ASAP1: variants seen among roughly 807,000 people sequenced by gnomAD.
ASAP1 encodes ArfGAP with SH3 domain, ankyrin repeat and PH domain 1, also known as arf-GAP with SH3 domain, ANK repeat and PH domain-containing protein 1.
Under a neutral mutation model 145.2 loss-of-function variants are expected in ASAP1, and 43 were observed. The ratio of observed to expected loss-of-function variants is 0.30; its 90% CI spans 0.23 to 0.38. The LOEUF (loss-of-function observed/expected upper bound fraction) is 0.38, where lower values mean the gene tolerates loss of function less well. Among genes scored for constraint, ASAP1 ranks in the 10% least tolerant of loss-of-function variants. The pLI, the probability that ASAP1 is intolerant of heterozygous loss-of-function variation, is 1.00. For missense variants in ASAP1, 1,018 were observed against 1,355.3 expected (o/e 0.75, Z 3.91); for synonymous variants, 546 against 515.5 (o/e 1.06, Z -0.80).
Position 130,092,038 on chromosome 8 carries a change from C to A in ASAP1, c.2507G>T (p.Arg836Ile). The part of the protein sequence containing the change: ...RPPPPPPGHK[R>I]TLSDPPSPLP... ...TGGGCTGGGAGGGTCGGATAGGGTT[C>A]TCTTGTGTCCGGGTGGTGGGGGAGG... is the stretch of plus-strand genomic sequence containing the variant. The change falls in exon 25 of 30, where the codon AGA (arginine) becomes ATA (isoleucine). Residue 836 changes from arginine (R) to isoleucine (I), a missense_variant. Physicochemically the swap from Arg to Ile is moderately conservative, Grantham distance 97. This residue lies in a region of ASAP1 where 353 missense variants were observed against 375.4 expected (regional missense o/e 0.94). Transcript: ENST00000518721. 1 of 1,576,820 alleles carries A rather than the reference C, an allele frequency of 6.3e-7. No homozygotes were observed. Among genetic ancestry groups the A allele is most frequent in the Non-Finnish European group, 8.6e-7 (1 of 1,165,750 alleles).
intron 3 of ASAP1, among the ~76,000 whole-genome samples, chr8:130,340,290 G>A (rs1003729378): frequency 2.0e-4 from 30 of 152,284 alleles, no homozygotes; most frequent in African/African-American, 7.2e-4. Context: ...GTCTCTGAGA[G>A]GAAGAAGACA....
At chr8:130,431,052 T>C (rs913846573) in intron 1 of ASAP1, among the ~76,000 whole-genome samples, 1 of 151,978 alleles carries the variant, frequency 6.6e-6, no homozygotes, top group South Asian at 2.1e-4. Context: ...GCTGAGGAGG[T>C]GACAATGTTT....
chr8:130,260,592 C>T (rs1372797460), intron 3 of ASAP1, among the ~76,000 whole-genome samples: 1 of 152,208 alleles, frequency 6.6e-6, no homozygotes, highest in Admixed American at 6.5e-5. Flanking sequence ...ACTCCTGTGG[C>T]TTCTCCCTCT....
At chr8:130,091,838 A>G (rs2097506094) in intron 25 of ASAP1, 135 bp downstream of exon 25, 4 of 945,222 alleles carry the variant, frequency 4.2e-6, no homozygotes, top group Non-Finnish European at 6.0e-6. Flanking sequence ...ATCATGTCAT[A>G]TATACCCGAG....
intron 1 of ASAP1, among the ~76,000 whole-genome samples, chr8:130,437,502 C>T (rs1235579669): frequency 6.6e-6 from 1 of 152,200 alleles, no homozygotes; most frequent in Non-Finnish European, 1.5e-5. Context: ...TCCCACCCAC[C>T]GACCATTCCA....
chr8:130,323,214 ATGC>A (rs759905604), intron 3 of ASAP1, among the ~76,000 whole-genome samples: 96 of 152,306 alleles, frequency 6.3e-4, no homozygotes, highest in Non-Finnish European at 1.2e-3. Flanking sequence ...AAGATTCCTA[ATGC>A]TGAGGCAAAT....
At chr8:130,105,557 C>A (rs1467974121) in intron 24 of ASAP1, among the ~76,000 whole-genome samples, 1 of 152,208 alleles carries the variant, frequency 6.6e-6, no homozygotes, top group African/African-American at 2.4e-5. Flanking sequence ...GGTTGTACAA[C>A]AGATCTCTTG....
chr8:130,233,854 T>C (rs116611891), intron 4 of ASAP1, among the ~76,000 whole-genome samples: 1,664 of 152,270 alleles, frequency 0.011, 29 homozygotes, highest in African/African-American at 0.039. Flanking sequence ...ACAAACAAAT[T>C]ACATTGACAA....
In ASAP1 at chr8:130,248,783, T is replaced by G. The variant is rs182405196; in HGVS notation, c.187-11789A>C. On this transcript the variant is annotated intron_variant, in intron 3 of 29. Transcript: ENST00000518721. ...CCAAACTCAAGGCTTCCTCCAAATC[T>G]TCTCTTCCTCCTCCATGTCTATTTA... Among the ~76,000 whole-genome samples the G allele has an allele frequency of 1.1e-4, 17 of 152,244 alleles. No individual in the cohort carries two copies. In the East Asian group the frequency reaches 3.3e-3, roughly 29 times the overall value.
chr8:130,170,369 C>T (rs1184666797), intron 9 of ASAP1, among the ~76,000 whole-genome samples: 3 of 152,014 alleles, frequency 2.0e-5, no homozygotes, highest in Non-Finnish European at 4.4e-5. Flanking sequence ...TGATCAGGCT[C>T]GTCTTGAACT....
chr8:130,305,793 C>CTT (rs1426338831), intron 3 of ASAP1, among the ~76,000 whole-genome samples: 1 of 152,180 alleles, frequency 6.6e-6, no homozygotes, highest in Admixed American at 6.5e-5. Context: ...GACCCTTAAG[C>CTT]AACTCCAAAA....
chr8:130,212,014 AC>A (rs1816614521), intron 5 of ASAP1, among the ~76,000 whole-genome samples: 1 of 151,916 alleles, frequency 6.6e-6, no homozygotes, highest in African/African-American at 2.4e-5. Context: ...CAGAACCCTG[AC>A]CCCCTCGGGG....
At chr8:130,160,080 TA>T in intron 11 of ASAP1, 116 bp from the exon 12 acceptor site, 1 of 850,040 alleles carries the variant, frequency 1.2e-6, no homozygotes. Flanking sequence ...TATGGAACTT[TA>T]AGAGCTGTCA....
chr8:130,325,588 G>C (rs1824273262), intron 3 of ASAP1, among the ~76,000 whole-genome samples: 1 of 152,220 alleles, frequency 6.6e-6, no homozygotes, highest in Non-Finnish European at 1.5e-5. Context: ...GGCGTTTTGG[G>C]ATATACAAAG....
Position 130,159,942 on chromosome 8 carries a change from C to A in ASAP1, c.932G>T (p.Gly311Val). 6.2e-7 allele frequency: 1 copy of A among 1,614,048 alleles called. No individual in the cohort carries two copies. Among genetic ancestry groups the A allele is most frequent in the Non-Finnish European group, 8.5e-7 (1 of 1,179,982 alleles). Residue 311 changes from glycine (G) to valine (V), a missense_variant, in exon 12 of 30, where the codon GGA becomes GTA. Transcript: ENST00000518721. ...QKEDSQSRQG[G>V]YSMHQLQGNK... ...GCCCTGGAGCTGATGCATGCTGTAT[C>A]CTCCTTGCCGGCTCTGAGAATCCTA...
chr8:130,091,249 T>C (rs894286030), intron 25 of ASAP1, among the ~76,000 whole-genome samples: 2 of 152,172 alleles, frequency 1.3e-5, no homozygotes, highest in African/African-American at 2.4e-5. Context: ...GCTTACATTT[T>C]AGTGGGGCGG....
At chr8:130,187,773 T>C (rs944967617) in intron 6 of ASAP1, among the ~76,000 whole-genome samples, 4 of 152,082 alleles carry the variant, frequency 2.6e-5, no homozygotes, top group Admixed American at 6.5e-5. Context: ...GAAAGAAGGG[T>C]AAGCGCCCTG....
intron 3 of ASAP1, among the ~76,000 whole-genome samples, chr8:130,239,106 C>T (rs963116483): frequency 6.6e-6 from 1 of 152,098 alleles, no homozygotes; most frequent in Non-Finnish European, 1.5e-5. Context: ...CAATGTACCT[C>T]TACCTATACA....
intron 12 of ASAP1, among the ~76,000 whole-genome samples, chr8:130,153,223 T>C (rs1333478016): frequency 1.3e-5 from 2 of 151,034 alleles, no homozygotes; most frequent in Non-Finnish European, 2.9e-5. Context: ...CTTCACCATC[T>C]TGGCCAGGCT....
Sources: allele counts gnomAD v4.1 joint callset (sites outside exome capture counted in the v4.1 genomes callset), GRCh38; gene constraint gnomAD v4.1.1; regional missense constraint gnomAD v4.1.1; transcripts MANE v1.5; gene names NCBI Gene and HGNC (gene_info 2026-07-23, HGNC 2026-07-21).